PHC3: variants seen among roughly 807,000 people sequenced by gnomAD.
The protein encoded by PHC3 is polyhomeotic homolog 3.
In PHC3, 13 loss-of-function variants were observed where a neutral mutation model predicts 107.4. The ratio of observed to expected loss-of-function variants is 0.12; its 90% CI spans 0.08 to 0.19. The LOEUF (loss-of-function observed/expected upper bound fraction) is 0.19, where lower values mean the gene tolerates loss of function less well. PHC3 is among the 10% of genes least tolerant of loss of function. PHC3 has a pLI of 1.00. For synonymous variants in PHC3, 456 were observed against 427.4 expected (o/e 1.07, Z -0.83); for missense variants, 992 against 1,210.9 (o/e 0.82, Z 2.68).
intron 4 of PHC3, among the ~76,000 whole-genome samples, chr3:170,152,789 T>C (rs918405776): frequency 2.0e-5 from 3 of 151,726 alleles, no homozygotes; most frequent in Non-Finnish European, 2.9e-5. Flanking sequence ...GCCTCCTGAG[T>C]AGCTGGGACT....
intron 11 of PHC3, among the ~76,000 whole-genome samples, chr3:170,108,358 G>A (rs1479153225): frequency 6.6e-6 from 1 of 152,030 alleles, no homozygotes; most frequent in Admixed American, 6.6e-5. Context: ...GGAAGCAGAT[G>A]GCAAAGTGCT....
intron 4 of PHC3, among the ~76,000 whole-genome samples, chr3:170,158,901 T>C (rs1727362087): frequency 1.4e-5 from 2 of 145,914 alleles, no homozygotes; most frequent in Non-Finnish European, 3.0e-5. Flanking sequence ...CACTCCAGCA[T>C]GGACAACAAA....
chr3:170,095,766 C>A lies in PHC3; in HGVS notation c.*1464G>T, dbSNP rs1007073419. The A allele has an allele frequency of 2.0e-5, 3 of 152,144 alleles. No homozygotes were observed. Among genetic ancestry groups the A allele is most frequent in the African/African-American group, 7.2e-5 (3 of 41,446 alleles). 9.4% of individuals were successfully genotyped at this position (152,144 alleles called of 1,614,324 possible). A position where few individuals can be genotyped will look rare whatever the true frequency, so the allele number is the denominator to read the frequency against. ...GTCCAGGACTATAAAGCTTTCAGGG[C>A]TTCCACAAACAATTTTGTTTTAGTG... On this transcript the variant is annotated 3_prime_UTR_variant, in exon 15 of 15. Transcript: ENST00000495893.
At chr3:170,165,753 C>CAAAAAAAAA (rs1201987701) in intron 4 of PHC3, among the ~76,000 whole-genome samples, 3 of 41,100 alleles carry the variant, frequency 7.3e-5, no homozygotes, top group Non-Finnish European at 9.2e-5. Context: ...GACCTTGTCT[C>CAAAAAAAAA]AAAAAAAAAA....
chr3:170,150,119 A>G (rs565257169), intron 4 of PHC3, among the ~76,000 whole-genome samples: 7 of 152,332 alleles, frequency 4.6e-5, no homozygotes, highest in African/African-American at 1.4e-4. Context: ...AAAAATTAAA[A>G]AAGAGCTACT....
chr3:170,140,584 C>CTTTTTTTT (rs57137783), intron 6 of PHC3, among the ~76,000 whole-genome samples: 8 of 69,590 alleles, frequency 1.1e-4, no homozygotes, highest in South Asian at 5.8e-4. Flanking sequence ...ATTTCTTTTT[C>CTTTTTTTT]TTTTTTTTTT....
At chr3:170,129,777 G>A (rs1047081513) in intron 7 of PHC3, among the ~76,000 whole-genome samples, 1 of 151,808 alleles carries the variant, frequency 6.6e-6, no homozygotes, top group Admixed American at 6.6e-5. Flanking sequence ...TCAGCTCACT[G>A]CAACCTCCAC....
At position 170,122,740 on chromosome 3, in the gene PHC3, T is replaced by C. The variant is rs1367514560; in HGVS notation, c.1793A>G (p.Tyr598Cys). 1.2e-6 allele frequency: 2 copies of C among 1,613,886 alleles called. No individual in the cohort carries two copies. Among genetic ancestry groups the C allele is most frequent in the Admixed American group, 3.3e-5 (2 of 60,014 alleles). Residue 598 changes from tyrosine (Y) to cysteine (C), a missense_variant, in exon 9 of 15, where the codon TAT becomes TGT. Around this residue, in one of 6 missense-constraint regions of PHC3, gnomAD observed 543 missense variants for 590.8 expected, o/e 0.92. Transcript: ENST00000495893. ...PPAPVDPPVVYQVEDVCEEEM... is the reference protein window; with the variant it reads ...PPAPVDPPVVCQVEDVCEEEM... ...TTCTTCACACACATCTTCTACCTGATAAACCTGCAATGACAAACCATACTG... is the reference window on the plus strand; with the variant it reads ...TTCTTCACACACATCTTCTACCTGACAAACCTGCAATGACAAACCATACTG...
chr3:170,172,478 A>T, intron 3 of PHC3, 79 bp downstream of exon 3: 2 of 1,471,952 alleles, frequency 1.4e-6, no homozygotes, highest in Non-Finnish European at 9.2e-7. Flanking sequence ...CTCTGAAATA[A>T]TACCCAATCT....
chr3:170,167,900 A>G (rs1372006200), intron 4 of PHC3, among the ~76,000 whole-genome samples: 5 of 152,034 alleles, frequency 3.3e-5, no homozygotes, highest in African/African-American at 1.2e-4. Flanking sequence ...CCTATACCAC[A>G]TAATCCCAGC....
rs1161912010 is a variant in PHC3 at position 170,177,709 on chromosome 3, C to A, written c.180+1064G>T. On this transcript the variant is annotated intron_variant, in intron 2 of 14. Coordinates refer to ENST00000495893, the MANE Select transcript of PHC3 (RefSeq NM_024947.4). ...TTTTTGAGACAGGGTCTCACTCTGT[C>A]ACCTAGACTGGAGTACAGTGGTGCG... 4.9e-5 allele frequency among the ~76,000 whole-genome samples: 6 copies of A among 122,710 alleles called. No homozygotes were observed. In the Admixed American group the frequency reaches 6.2e-4, roughly 13 times the overall value. The allele number at this position is 122,710 out of a possible 152,430, so 80.5% of individuals were successfully genotyped here.
chr3:170,107,589 T>C (rs1484595502), intron 11 of PHC3, among the ~76,000 whole-genome samples: 2 of 152,190 alleles, frequency 1.3e-5, no homozygotes, highest in African/African-American at 2.4e-5. Flanking sequence ...TTCATACATA[T>C]ATATACATAC....
At chr3:170,180,175 G>A (rs1010700577) in intron 1 of PHC3, among the ~76,000 whole-genome samples, 3 of 151,898 alleles carry the variant, frequency 2.0e-5, no homozygotes, top group Admixed American at 1.3e-4. Context: ...GAAAAGTGGG[G>A]GCCTTGAGTG....
chr3:170,110,760 A>G (rs1443579798), intron 11 of PHC3, among the ~76,000 whole-genome samples: 1 of 152,208 alleles, frequency 6.6e-6, no homozygotes, highest in Non-Finnish European at 1.5e-5. Context: ...CATATACTAT[A>G]TGTCCATTAT....
At chr3:170,155,721 CA>C (rs990319685) in intron 4 of PHC3, among the ~76,000 whole-genome samples, 2 of 139,886 alleles carry the variant, frequency 1.4e-5, no homozygotes, top group African/African-American at 2.6e-5. Context: ...ACCCTGTCTC[CA>C]AAAAAAAAAG....
At chr3:170,169,049 T>C (rs1729185199) in intron 4 of PHC3, among the ~76,000 whole-genome samples, 1 of 152,136 alleles carries the variant, frequency 6.6e-6, no homozygotes, top group Non-Finnish European at 1.5e-5. Flanking sequence ...CACTCCTCCT[T>C]TGAATGTCAT....
At position 170,161,190 on chromosome 3, in the gene PHC3, A is replaced by C. The variant is rs562024555; in HGVS notation, c.414+10183T>G. On this transcript the variant is annotated intron_variant, in intron 4 of 14. Coordinates refer to ENST00000495893, the MANE Select transcript of PHC3 (RefSeq NM_024947.4). ...ATTAACATCTAAACCACTAGTTCTC[A>C]AACTTTTTTCTTATTAATAAACACA... 2.0e-3 allele frequency among the ~76,000 whole-genome samples: 302 copies of C among 152,318 alleles called. 1 individual carries two copies. Among genetic ancestry groups the C allele is most frequent in the African/African-American group, 6.0e-3 (251 of 41,572 alleles).
intron 4 of PHC3, among the ~76,000 whole-genome samples, chr3:170,158,989 C>T (rs1357550384): frequency 6.6e-6 from 1 of 151,034 alleles, no homozygotes; most frequent in Non-Finnish European, 1.5e-5. Flanking sequence ...TGGTGGCTCA[C>T]ACCTGTAATC....
intron 4 of PHC3, chr3:170,170,419 G>A (rs1021512263): frequency 2.7e-5 from 4 of 149,996 alleles, no homozygotes; most frequent in Admixed American, 1.3e-4. Flanking sequence ...TAAATTACAC[G>A]ATAGCCCCTG....
Sources: allele counts gnomAD v4.1 joint callset (sites outside exome capture counted in the v4.1 genomes callset), GRCh38; gene constraint gnomAD v4.1.1; regional missense constraint gnomAD v4.1.1; transcripts MANE v1.5; gene names NCBI Gene and HGNC (gene_info 2026-07-23, HGNC 2026-07-21).